The following GLRA3 variants were observed in gnomAD, a reference collection of about 807,000 sequenced individuals.
The protein encoded by GLRA3 is glycine receptor alpha 3, also known as glycine receptor subunit alpha-3.
In GLRA3, 44 loss-of-function variants were observed where a neutral mutation model predicts 60.4. The observed-to-expected ratio is 0.73, with a 90% CI of 0.57 to 0.94. GLRA3 has a LOEUF of 0.94. Ranked by LOEUF, GLRA3 falls within the 40% of genes least tolerant of loss-of-function variation. The probability of loss-of-function intolerance (pLI) is 0.00; values close to 1 mark genes in which losing one functional copy is unlikely to be tolerated. For missense variants in GLRA3, 508 were observed against 564.6 expected, an observed-to-expected ratio of 0.90 and a Z score of 1.02; for synonymous variants, 223 against 192.9, an observed-to-expected ratio of 1.16 and a Z score of -1.29.
At chr4:174,769,281 C>G (rs759009709) in intron 2 of GLRA3, among the ~76,000 whole-genome samples, 14 of 151,804 alleles carry the variant, frequency 9.2e-5, no homozygotes, top group African/African-American at 4.8e-5. Flanking sequence ...TCCTGTTATC[C>G]AATATTTTTG....
At chr4:174,759,681 C>T (rs1561100420) in intron 3 of GLRA3, among the ~76,000 whole-genome samples, 1 of 152,106 alleles carries the variant, frequency 6.6e-6, no homozygotes, top group Admixed American at 6.5e-5. Context: ...CTAATATAAA[C>T]TGTACTAAAC....
intron 7 of GLRA3, among the ~76,000 whole-genome samples, chr4:174,670,472 CAG>C (rs1436191542): frequency 5.3e-5 from 8 of 152,246 alleles, no homozygotes; most frequent in Admixed American, 2.0e-4. Context: ...TTTGGGGACT[CAG>C]GGTACGATTC....
At chr4:174,689,821 A>G (rs1032224672) in intron 5 of GLRA3, among the ~76,000 whole-genome samples, 1 of 148,364 alleles carries the variant, frequency 6.7e-6, no homozygotes, top group African/African-American at 2.5e-5. Flanking sequence ...CAAGAGACCT[A>G]TCTCACAAGT....
chr4:174,658,926 A>G (rs12509016), intron 8 of GLRA3, 128 bp downstream of exon 8: 223,014 of 776,648 alleles, frequency 0.29, 34,313 homozygotes, highest in East Asian at 0.4. Flanking sequence ...TTGGAAAAAA[A>G]TGAAAGGAAT....
chr4:174,692,049 G>A (rs189166391), intron 5 of GLRA3, among the ~76,000 whole-genome samples: 2,327 of 145,510 alleles, frequency 0.016, 27 homozygotes, highest in African/African-American at 0.029. Context: ...CCACCACCCC[G>A]TCTGGGAGGT....
intron 1 of GLRA3, among the ~76,000 whole-genome samples, chr4:174,815,988 T>A (rs1345664241): frequency 6.6e-6 from 1 of 152,204 alleles, no homozygotes; most frequent in African/African-American, 2.4e-5. Context: ...AACTTTTATG[T>A]TGTCTCCCTT....
chr4:174,788,925 T>C lies in GLRA3; in HGVS notation c.90A>G (p.Glu30=). 1 of 1,596,378 alleles carries C rather than the reference T, an allele frequency of 6.3e-7. No individual in the cohort carries two copies. The highest frequency in any genetic ancestry group is 8.5e-7 in the Non-Finnish European group (1 of 1,171,968). The change falls in exon 2 of 10, where the codon GAA becomes GAG. Residue 30 remains glutamate, a synonymous_variant. Transcript: ENST00000274093. ...CACTTCGAGATCTTGCACTGTCTGT[T>C]TCCTTTGTGGCAACCAAACTACAAA... ...ALLLSLVATK[E]TDSARSRSAP... is the part of the protein sequence containing the mutation.
At chr4:174,777,636 C>T (rs907956018) in intron 2 of GLRA3, among the ~76,000 whole-genome samples, 2 of 152,066 alleles carry the variant, frequency 1.3e-5, no homozygotes, top group African/African-American at 4.8e-5. Context: ...GACAAACACA[C>T]GTTGTTATGA....
chr4:174,794,059 T>C (rs1318339943), intron 1 of GLRA3, among the ~76,000 whole-genome samples: 2 of 152,142 alleles, frequency 1.3e-5, no homozygotes, highest in African/African-American at 4.8e-5. Context: ...CTTGCAAAAG[T>C]CTGTCTTTTT....
At chr4:174,670,636 C>T (rs1190009684) in intron 7 of GLRA3, among the ~76,000 whole-genome samples, 5 of 152,084 alleles carry the variant, frequency 3.3e-5, no homozygotes, top group African/African-American at 1.2e-4. Flanking sequence ...ATATACTTTC[C>T]CTAGTTCTAT....
Position 174,789,971 on chromosome 4 carries a change from C to A in GLRA3, c.72-1028G>T, listed in dbSNP as rs548915580. 2.6e-5 allele frequency among the ~76,000 whole-genome samples: 4 copies of A among 152,208 alleles called. No individual in the cohort carries two copies. In the South Asian group the frequency reaches 8.3e-4, roughly 32 times the overall value. ...ATTAAATTCCTTAGATTTCTCCTGC[C>A]AGAATTTTAGTGAGAAGTACAACTG... is the stretch of plus-strand genomic sequence containing the variant. On this transcript the variant is annotated intron_variant, in intron 1 of 9. Transcript: ENST00000274093.
At chr4:174,725,544 G>C (rs923419434) in intron 4 of GLRA3, among the ~76,000 whole-genome samples, 26 of 152,110 alleles carry the variant, frequency 1.7e-4, no homozygotes, top group African/African-American at 5.8e-4. Context: ...GCAGTGGTGC[G>C]ATCTGGGCTC....
At chr4:174,807,624 A>T (rs753591277) in intron 1 of GLRA3, among the ~76,000 whole-genome samples, 1 of 152,136 alleles carries the variant, frequency 6.6e-6, no homozygotes, top group Non-Finnish European at 1.5e-5. Flanking sequence ...TTATGAAGAG[A>T]AGATTCTGAA....
intron 1 of GLRA3, among the ~76,000 whole-genome samples, chr4:174,820,694 G>C (rs954479426): frequency 1.3e-5 from 2 of 152,144 alleles, no homozygotes; most frequent in Non-Finnish European, 2.9e-5. Context: ...CATTTGGGTA[G>C]TCATTTCACT....
At chr4:174,676,423 A>T (rs912147893) in intron 7 of GLRA3, among the ~76,000 whole-genome samples, 2 of 152,160 alleles carry the variant, frequency 1.3e-5, no homozygotes, top group Admixed American at 6.6e-5. Context: ...TTCTGGAAAT[A>T]AATTTGGCAA....
At chr4:174,737,142 GA>G (rs1387999960) in intron 3 of GLRA3, among the ~76,000 whole-genome samples, 1 of 151,784 alleles carries the variant, frequency 6.6e-6, no homozygotes, top group African/African-American at 2.4e-5. Flanking sequence ...AACTAACAAA[GA>G]AAAAAAGATT....
intron 5 of GLRA3, among the ~76,000 whole-genome samples, chr4:174,690,671 T>A (rs948555541): frequency 7.2e-5 from 11 of 152,142 alleles, no homozygotes; most frequent in Non-Finnish European, 1.5e-4. Flanking sequence ...CTCTCCCACC[T>A]CAAGTAGATG....
chr4:174,686,621 T>G (rs373449498), intron 5 of GLRA3, among the ~76,000 whole-genome samples: 1 of 152,338 alleles, frequency 6.6e-6, no homozygotes. Context: ...AAAGAGTAAG[T>G]GGCACGAGAC....
At chr4:174,700,741 C>T (rs1735276303) in intron 5 of GLRA3, among the ~76,000 whole-genome samples, 1 of 152,184 alleles carries the variant, frequency 6.6e-6, no homozygotes, top group Non-Finnish European at 1.5e-5. Context: ...GAAAGCAAAA[C>T]AACCTTATTG....
Sources: allele counts gnomAD v4.1 joint callset (sites outside exome capture counted in the v4.1 genomes callset), GRCh38; gene constraint gnomAD v4.1.1; transcripts MANE v1.5; gene names NCBI Gene and HGNC (gene_info 2026-07-23, HGNC 2026-07-21).